Variants in UFD1 observed in about 807,000 individuals in gnomAD.
UFD1 encodes the protein ubiquitin recognition factor in ER-associated degradation protein 1.
In UFD1, 13 loss-of-function variants were observed where a neutral mutation model predicts 45.9. The ratio of observed to expected loss-of-function variants is 0.28; its 90% CI spans 0.18 to 0.45. The LOEUF (loss-of-function observed/expected upper bound fraction) is 0.45. UFD1 is among the 20% of genes least tolerant of loss of function. The probability of loss-of-function intolerance (pLI) is 1.00; values close to 1 mark genes in which losing one functional copy is unlikely to be tolerated. For synonymous variants in UFD1, 128 were observed against 139.2 expected, an observed-to-expected ratio of 0.92 and a Z score of 0.56; for missense variants, 218 against 389.2, an observed-to-expected ratio of 0.56 and a Z score of 3.70.
At chr22:19,456,808 G>A (rs1455810201) in intron 8 of UFD1, 45 bp downstream of exon 8, 1 of 1,613,962 alleles carries the variant, frequency 6.2e-7, no homozygotes, top group Non-Finnish European at 8.5e-7. Context: ...GAACTCAAAA[G>A]CAGCATGCAG....
intron 6 of UFD1, among the ~76,000 whole-genome samples, chr22:19,463,876 C>T (rs966362736): frequency 2.0e-5 from 3 of 152,034 alleles, no homozygotes; most frequent in Non-Finnish European, 4.4e-5. Flanking sequence ...TATAATGTAC[C>T]CTCCCTTAGA....
intron 1 of UFD1, among the ~76,000 whole-genome samples, chr22:19,478,103 C>G (rs1161730366): frequency 6.6e-6 from 1 of 152,138 alleles, no homozygotes; most frequent in African/African-American, 2.4e-5. Context: ...CACAAAGGGG[C>G]AACATACTTA....
In UFD1 at chr22:19,475,619, GAAACAAGTATTA is replaced by G. The variant is rs748071542; in HGVS notation, c.4-29_4-18del. 1.2e-6 allele frequency: 2 copies of G among 1,613,472 alleles called. No individual in the cohort carries two copies. The highest frequency in any genetic ancestry group is 4.5e-5 in the East Asian group (2 of 44,882). ...GAAAGAGAACTAGAAGGAGGAAAGA[GAAACAAGTATTA>G]AAACAAAGGTACATTTCTTCATGTC... On this transcript the variant is annotated intron_variant, in intron 1 of 11. Coordinates refer to ENST00000263202, the MANE Select transcript of UFD1 (RefSeq NM_005659.7).
At chr22:19,476,358 G>C (rs2089881085) in intron 1 of UFD1, among the ~76,000 whole-genome samples, 2 of 152,124 alleles carry the variant, frequency 1.3e-5, no homozygotes, top group African/African-American at 4.8e-5. Flanking sequence ...CTCTTGCTCT[G>C]CTGAGGGTCA....
intron 6 of UFD1, among the ~76,000 whole-genome samples, chr22:19,462,702 CTT>C (rs2089776564): frequency 1.3e-5 from 2 of 152,104 alleles, no homozygotes. Flanking sequence ...AAGACTTACT[CTT>C]TTCCAACATT....
At chr22:19,463,774 C>T (rs2089783332) in intron 6 of UFD1, among the ~76,000 whole-genome samples, 1 of 152,212 alleles carries the variant, frequency 6.6e-6, no homozygotes, top group Non-Finnish European at 1.5e-5. Flanking sequence ...CACAACAGTA[C>T]ATTAATCAGA....
chr22:19,461,117 G>A (rs1046802012), intron 6 of UFD1, among the ~76,000 whole-genome samples: 15 of 152,194 alleles, frequency 9.9e-5, no homozygotes, highest in African/African-American at 3.6e-4. Flanking sequence ...GCGGAATGTA[G>A]TATTTGTCTG....
intron 1 of UFD1, among the ~76,000 whole-genome samples, chr22:19,478,227 A>G (rs1181186149): frequency 6.6e-6 from 1 of 152,216 alleles, no homozygotes; most frequent in Non-Finnish European, 1.5e-5. Flanking sequence ...TGCCTGGAAC[A>G]TATCAGGTAT....
intron 11 of UFD1, chr22:19,451,054 A>G: frequency 9.4e-7 from 1 of 1,059,922 alleles, no homozygotes; most frequent in Non-Finnish European, 1.1e-6. Flanking sequence ...AGCCAGGGCC[A>G]TAGTGAGCTA....
chr22:19,456,689 C>T, intron 8 of UFD1, 55 bp from the exon 9 acceptor site: 1 of 1,613,860 alleles, frequency 6.2e-7, no homozygotes. Context: ...CCCAGCTTCC[C>T]TCTCACCCCC....
intron 4 of UFD1, among the ~76,000 whole-genome samples, chr22:19,468,860 T>C (rs1185825604): frequency 6.6e-6 from 1 of 152,040 alleles, no homozygotes; most frequent in Non-Finnish European, 1.5e-5. Context: ...CCTTCAAGAA[T>C]GTTTCATCGG....
chr22:19,458,231 G>A (rs948751833), intron 6 of UFD1, 92 bp from the exon 7 acceptor site: 20 of 1,334,108 alleles, frequency 1.5e-5, no homozygotes, highest in African/African-American at 1.4e-4. Flanking sequence ...TGGCTCCTGC[G>A]AATGACACAG....
At chr22:19,452,963 T>C (rs905576401) in intron 11 of UFD1, 2 of 892,190 alleles carry the variant, frequency 2.2e-6, no homozygotes. Context: ...ATTGTGCCCA[T>C]CTTTGGGGAA....
chr22:19,451,204 GT>G (rs2089680136), intron 11 of UFD1: 1 of 983,356 alleles, frequency 1.0e-6, no homozygotes, highest in African/African-American at 1.8e-5. Context: ...TTAAAGAATT[GT>G]TTTCCCACTT....
intron 7 of UFD1, 65 bp from the exon 8 acceptor site, chr22:19,456,983 T>A: frequency 9.1e-7 from 1 of 1,101,066 alleles, no homozygotes. Flanking sequence ...CCTTTTTTGT[T>A]TTTAATTGAG....
intron 6 of UFD1, among the ~76,000 whole-genome samples, chr22:19,464,110 C>T (rs538377290): frequency 1.3e-5 from 2 of 152,268 alleles, no homozygotes; most frequent in South Asian, 2.1e-4. Context: ...ATTCGAAACC[C>T]AAGGAACTGA....
At chr22:19,453,921 G>A in intron 11 of UFD1, 4 of 985,596 alleles carry the variant, frequency 4.1e-6, no homozygotes, top group Non-Finnish European at 4.8e-6. Flanking sequence ...TGGGTCTGAA[G>A]CGCTGGTGTT....
intron 3 of UFD1, among the ~76,000 whole-genome samples, chr22:19,473,581 C>T (rs1187970568): frequency 3.3e-5 from 5 of 152,166 alleles, no homozygotes; most frequent in African/African-American, 4.8e-5. Context: ...ACAGGGTCTT[C>T]GTGAGAACTG....
intron 6 of UFD1, among the ~76,000 whole-genome samples, chr22:19,459,536 A>G (rs1569327850): frequency 6.6e-6 from 1 of 151,982 alleles, no homozygotes; most frequent in Non-Finnish European, 1.5e-5. Context: ...AATGGTGTGA[A>G]CCCAGGAGGT....
Sources: allele counts gnomAD v4.1 joint callset (sites outside exome capture counted in the v4.1 genomes callset), GRCh38; gene constraint gnomAD v4.1.1; transcripts MANE v1.5; gene names NCBI Gene and HGNC (gene_info 2026-07-23, HGNC 2026-07-21).